The following KIDINS220 variants were observed in gnomAD, a reference collection of about 807,000 sequenced individuals.
KIDINS220 encodes the protein kinase D-interacting substrate of 220 kDa.
A neutral mutation model predicts 157.6 loss-of-function variants in KIDINS220; 63 were observed. That is an observed-to-expected ratio of 0.40 (90% confidence interval 0.33 to 0.49). KIDINS220 has a LOEUF of 0.49. Among genes scored for constraint, KIDINS220 ranks in the 20% least tolerant of loss-of-function variants. KIDINS220 has a pLI of 0.66. For synonymous variants in KIDINS220, 732 were observed against 783.6 expected, an observed-to-expected ratio of 0.93 and a Z score of 1.10; for missense variants, 1,772 against 2,171.2, an observed-to-expected ratio of 0.82 and a Z score of 3.65.
chr2:8,798,149 G>T, intron 10 of KIDINS220, 53 bp downstream of exon 10: 2 of 1,024,252 alleles, frequency 2.0e-6, no homozygotes, highest in South Asian at 2.6e-5. Context: ...AAAATGAGCA[G>T]TACTAACATT....
downstream of KIDINS220, among the ~76,000 whole-genome samples, chr2:8,728,537 A>G (rs928448126): frequency 6.6e-6 from 1 of 152,204 alleles, no homozygotes; most frequent in African/African-American, 2.4e-5. Context: ...ATGGTCTATG[A>G]CTCAATAACT....
intron 25 of KIDINS220, 86 bp downstream of exon 25, chr2:8,747,801 T>C: frequency 1.4e-6 from 1 of 703,618 alleles, no homozygotes; most frequent in Non-Finnish European, 2.2e-6. Context: ...TGCACTCTTT[T>C]ACTATGTAAA....
intron 17 of KIDINS220, 118 bp from the exon 18 acceptor site, chr2:8,779,932 T>G: frequency 9.9e-7 from 1 of 1,009,192 alleles, no homozygotes; most frequent in Non-Finnish European, 1.4e-6. Flanking sequence ...TCAAAGTCCT[T>G]GCTGCCAGTT....
chr2:8,725,501 A>G (rs1409633682), downstream of KIDINS220: 2 of 152,234 alleles, frequency 1.3e-5, no homozygotes, highest in African/African-American at 4.8e-5. Flanking sequence ...TCTCTTCTCC[A>G]GTCGACTGGA....
chr2:8,732,102 C>A lies in KIDINS220; in HGVS notation c.4054-120G>T, dbSNP rs1664209617. On this transcript the variant is annotated intron_variant, in intron 29 of 29. Transcript: ENST00000256707. ...TAAAAAGTCATCAAAACATCAAATT[C>A]TTTTAAAAGAATTCTACATAACACA... 5 of 849,022 alleles carry A rather than the reference C, an allele frequency of 5.9e-6. No homozygotes were observed. In the South Asian group the frequency reaches 1.4e-4, roughly 24 times the overall value. 52.6% of individuals were successfully genotyped at this position (849,022 alleles called of 1,614,324 possible).
chr2:8,819,009 G>A (rs754279497), intron 2 of KIDINS220, among the ~76,000 whole-genome samples: 12 of 152,038 alleles, frequency 7.9e-5, no homozygotes, highest in Non-Finnish European at 1.8e-4. Context: ...TCTTCCCACA[G>A]TATTAATAAT....
downstream of KIDINS220, chr2:8,722,092 A>C (rs1322046294): frequency 6.6e-6 from 1 of 152,226 alleles, no homozygotes; most frequent in Non-Finnish European, 1.5e-5. Flanking sequence ...ACAACTCCAC[A>C]TAACCACGCC....
intron 6 of KIDINS220, among the ~76,000 whole-genome samples, chr2:8,809,828 G>A (rs773099530): frequency 1.2e-4 from 18 of 152,058 alleles, no homozygotes; most frequent in Admixed American, 5.9e-4. Context: ...ACTATTAAAC[G>A]TTAATTTTTT....
downstream of KIDINS220, chr2:8,726,883 A>T (rs893846129): frequency 7.8e-7 from 1 of 1,286,314 alleles, no homozygotes; most frequent in Non-Finnish European, 1.0e-6. Flanking sequence ...AATTTTTTAC[A>T]TACCTTAGTT....
rs929249407 is a variant in KIDINS220 at position 8,831,343 on chromosome 2, C to T, written c.-36-4214G>A. ...ATCCCTCCCACCCTCTACATAGTCA[C>T]ATCTACACCTCCAGCTCCAGCCAGA... On this transcript the variant is annotated intron_variant, in intron 1 of 29. Transcript: ENST00000256707. Among the ~76,000 whole-genome samples, 4 of 144,268 alleles carry T rather than the reference C, an allele frequency of 2.8e-5. No individual in the cohort carries two copies. The South Asian group carries it at 9.9e-4, about 36-fold the overall frequency. 94.6% of individuals were successfully genotyped at this position (144,268 alleles called of 152,430 possible).
intron 1 of KIDINS220, among the ~76,000 whole-genome samples, chr2:8,828,279 CT>C (rs1192335232): frequency 1.3e-5 from 2 of 152,218 alleles, no homozygotes; most frequent in Admixed American, 6.5e-5. Context: ...GGCTTACCCC[CT>C]GACCCCGTCA....
At position 8,731,698 on chromosome 2, in the gene KIDINS220, C is replaced by G; in HGVS notation, c.4338G>C (p.Gly1446=). ...CCCTCTTCATTAGAAAGGACTTCCT[C>G]CCATCATCGGGCTTTGGTTCACTAT... ...GKDSEPKPDD[G]RKSFLMKRGD... The change falls in exon 30 of 30, where the codon GGG becomes GGC. Residue 1446 remains glycine (G), a synonymous_variant. Coordinates refer to ENST00000256707, the MANE Select transcript of KIDINS220 (RefSeq NM_020738.4). The surrounding 1 kb of genome is among the most constrained non-coding windows in gnomAD (Gnocchi z 5.2). 3 of 1,614,186 alleles carry G rather than the reference C, an allele frequency of 1.9e-6. No individual in the cohort carries two copies. The highest frequency in any genetic ancestry group is 2.5e-6 in the Non-Finnish European group (3 of 1,180,018).
At chr2:8,819,598 C>T (rs185062746) in intron 2 of KIDINS220, among the ~76,000 whole-genome samples, 12 of 152,216 alleles carry the variant, frequency 7.9e-5, no homozygotes, top group Admixed American at 2.6e-4. Flanking sequence ...CCAAGGTGGA[C>T]GGATCACATG....
At chr2:8,776,583 T>A (rs1386058996) in intron 21 of KIDINS220, among the ~76,000 whole-genome samples, 165 bp downstream of exon 21, 2 of 152,218 alleles carry the variant, frequency 1.3e-5, no homozygotes, top group Non-Finnish European at 1.5e-5. Flanking sequence ...GACTTTTCAT[T>A]GTCAAAACTA....
chr2:8,727,201 A>G (rs529018226), downstream of KIDINS220: 2 of 1,133,316 alleles, frequency 1.8e-6, no homozygotes, highest in South Asian at 4.0e-5. Context: ...GAGTCTGCTC[A>G]TGCTGCCCCC....
At chr2:8,823,610 G>A (rs1678320564) in intron 2 of KIDINS220, among the ~76,000 whole-genome samples, 1 of 152,076 alleles carries the variant, frequency 6.6e-6, no homozygotes, top group Non-Finnish European at 1.5e-5. Context: ...CTCTATGCCA[G>A]TGCTTTACTC....
intron 26 of KIDINS220, among the ~76,000 whole-genome samples, chr2:8,745,750 G>A (rs1666456129): frequency 1.3e-5 from 2 of 152,176 alleles, no homozygotes; most frequent in South Asian, 4.1e-4. Context: ...AGTGAGCTGA[G>A]ATGGCATCAC....
chr2:8,796,993 A>G, intron 10 of KIDINS220, 124 bp from the exon 11 acceptor site: 1 of 738,474 alleles, frequency 1.4e-6, no homozygotes. Context: ...CCCTCTCAAG[A>G]AAACATAAAA....
intron 26 of KIDINS220, among the ~76,000 whole-genome samples, chr2:8,744,954 C>A (rs1666334474): frequency 6.6e-6 from 1 of 152,142 alleles, no homozygotes; most frequent in South Asian, 2.1e-4. Context: ...TTCTACTAGA[C>A]AAAGTCACTA....
Sources: allele counts gnomAD v4.1 joint callset (sites outside exome capture counted in the v4.1 genomes callset), GRCh38; gene constraint gnomAD v4.1.1; non-coding constraint Gnocchi (gnomAD v3.1); transcripts MANE v1.5; gene names NCBI Gene and HGNC (gene_info 2026-07-23, HGNC 2026-07-21).